CNTLN: variants seen among roughly 807,000 people sequenced by gnomAD.
CNTLN encodes centlein, centrosomal protein.
In CNTLN, 212 loss-of-function variants were observed where a neutral mutation model predicts 180.0. That is an observed-to-expected ratio of 1.18 (90% CI 1.05 to 1.32). CNTLN has a LOEUF of 1.32. Among genes scored for constraint, CNTLN ranks in the 40% most tolerant of loss-of-function variants. The pLI, the probability that CNTLN is intolerant of heterozygous loss-of-function variation, is 0.00. For missense variants in CNTLN, 2,095 were observed against 1,610.9 expected, an observed-to-expected ratio of 1.30 and a Z score of -5.14; for synonymous variants, 722 against 563.1, an observed-to-expected ratio of 1.28 and a Z score of -3.99.
intron 5 of CNTLN, among the ~76,000 whole-genome samples, chr9:17,246,949 C>T (rs936647990): frequency 6.6e-6 from 1 of 151,988 alleles, no homozygotes; most frequent in Non-Finnish European, 1.5e-5. Flanking sequence ...TCCTGGAATG[C>T]GTGCCTCAGG....
chr9:17,447,431 G>A (rs550612661), intron 18 of CNTLN: 1 of 166,158 alleles, frequency 6.0e-6, no homozygotes, highest in Non-Finnish European at 1.3e-5. Flanking sequence ...GGCGTACACA[G>A]TTGCGGTCCG....
rs1280128207 is a variant in CNTLN at position 17,257,979 on chromosome 9, T to G, written c.850-15754T>G. ...TTTGCTGTGCAGAAGCTCTTTAGTT[T>G]AATTAGATCCCATTTGTCAATTTTG... On this transcript the variant is annotated intron_variant, in intron 5 of 25. Transcript: ENST00000380647. Among the ~76,000 whole-genome samples, 33 of 149,710 alleles carry G rather than the reference T, an allele frequency of 2.2e-4. No homozygotes were observed. In the East Asian group the frequency reaches 6.2e-3, roughly 28 times the overall value.
chr9:17,466,778 G>C lies in CNTLN; in HGVS notation c.3742G>C (p.Ala1248Pro). ...ESAMAEIETA[A>P]SKQLQELALQ... ...TGCAATGGCAGAAATTGAAACAGCAGCATCTAAGCAGCTTCAAGAATTAGC... is the reference window on the plus strand; with the variant it reads ...TGCAATGGCAGAAATTGAAACAGCACCATCTAAGCAGCTTCAAGAATTAGC... Residue 1248 changes from alanine (A) to proline (P), a missense_variant, in exon 23 of 26, where the codon GCA becomes CCA. Coordinates refer to ENST00000380647, the MANE Select transcript of CNTLN (RefSeq NM_017738.4). The C allele has an allele frequency of 6.2e-7, 1 of 1,610,848 alleles. No homozygotes were observed.
At chr9:17,225,298 A>G (rs115680656) in intron 2 of CNTLN, among the ~76,000 whole-genome samples, 3 of 151,966 alleles carry the variant, frequency 2.0e-5, no homozygotes, top group African/African-American at 7.2e-5. Flanking sequence ...TGTATTCCCT[A>G]TTAACCCCAG....
intron 7 of CNTLN, chr9:17,299,749 A>G: frequency 1.0e-6 from 1 of 982,818 alleles, no homozygotes; most frequent in Non-Finnish European, 1.2e-6. Flanking sequence ...CTTTATTAAT[A>G]CTTGTTAATT....
intron 5 of CNTLN, among the ~76,000 whole-genome samples, chr9:17,273,466 T>A (rs530177424): frequency 1.2e-4 from 18 of 152,316 alleles, no homozygotes; most frequent in African/African-American, 3.1e-4. Context: ...AATAATTTAA[T>A]AACTACATTT....
intron 15 of CNTLN, among the ~76,000 whole-genome samples, chr9:17,407,941 C>G: frequency 6.6e-6 from 1 of 151,824 alleles, no homozygotes; most frequent in African/African-American, 2.4e-5. Context: ...GCCTGACCAA[C>G]ATGGTGAAAC....
intron 8 of CNTLN, among the ~76,000 whole-genome samples, chr9:17,325,711 T>C (rs1820244755): frequency 6.6e-6 from 1 of 152,004 alleles, no homozygotes; most frequent in African/African-American, 2.4e-5. Flanking sequence ...GTTGACAGGT[T>C]TGGAATTCGT....
intron 2 of CNTLN, among the ~76,000 whole-genome samples, chr9:17,182,254 G>A (rs187023032): frequency 4.9e-4 from 74 of 152,012 alleles, no homozygotes; most frequent in Non-Finnish European, 7.8e-4. Flanking sequence ...TTCCTGGTCC[G>A]TAGGGTAGAG....
intron 15 of CNTLN, among the ~76,000 whole-genome samples, chr9:17,401,366 C>T (rs1826958890): frequency 6.6e-6 from 1 of 151,702 alleles, no homozygotes; most frequent in African/African-American, 2.4e-5. Context: ...AAAGCAAAAT[C>T]CATATAGAGA....
intron 2 of CNTLN, among the ~76,000 whole-genome samples, chr9:17,178,880 G>T (rs936397484): frequency 6.6e-6 from 1 of 152,172 alleles, no homozygotes; most frequent in Non-Finnish European, 1.5e-5. Context: ...CAGAGTGGGC[G>T]CCAAGGCCGA....
chr9:17,517,032 A>ATCTTGAGT, the CNTLN span, among the ~76,000 whole-genome samples: 12,477 of 152,088 alleles, frequency 0.082, 1,457 homozygotes, highest in African/African-American at 0.26. Context: ...ATCAAAAGGT[A>ATCTTGAGT]TCTTGAGTTG....
intron 18 of CNTLN, among the ~76,000 whole-genome samples, chr9:17,417,505 AC>A (rs1205347382): frequency 6.6e-6 from 1 of 152,098 alleles, no homozygotes; most frequent in Non-Finnish European, 1.5e-5. Flanking sequence ...TATACAAAAA[AC>A]ATTTGAACTT....
At chr9:17,355,602 T>G (rs187654830) in intron 12 of CNTLN, among the ~76,000 whole-genome samples, 34 of 152,342 alleles carry the variant, frequency 2.2e-4, no homozygotes, top group Admixed American at 1.5e-3. Context: ...TTTGAGTTAA[T>G]TTTTTATATG....
At chr9:17,329,253 AGC>A (rs1820491244) in intron 8 of CNTLN, among the ~76,000 whole-genome samples, 1 of 152,104 alleles carries the variant, frequency 6.6e-6, no homozygotes, top group South Asian at 2.1e-4. Context: ...AAGAGCAGGT[AGC>A]CTTTGAAATA....
chr9:17,270,947 C>CTTTTTTTTTTTTT (rs78896738), intron 5 of CNTLN, among the ~76,000 whole-genome samples: 2 of 122,154 alleles, frequency 1.6e-5, no homozygotes, highest in Non-Finnish European at 3.3e-5. Context: ...GAGAGGAGTT[C>CTTTTTTTTTTTTT]TTTTTTTTTT....
chr9:17,371,985 A>G (rs1824358648), intron 13 of CNTLN, among the ~76,000 whole-genome samples: 1 of 152,154 alleles, frequency 6.6e-6, no homozygotes, highest in South Asian at 2.1e-4. Context: ...AGGGAAGTTT[A>G]TAGCTATAAA....
chr9:17,303,833 C>T (rs937785325), intron 7 of CNTLN, among the ~76,000 whole-genome samples: 5 of 152,040 alleles, frequency 3.3e-5, no homozygotes, highest in East Asian at 1.9e-4. Flanking sequence ...TTAATATTTT[C>T]GAATAATAAT....
intron 3 of CNTLN, among the ~76,000 whole-genome samples, chr9:17,234,401 C>CCA (rs1825006353): frequency 6.6e-6 from 1 of 151,850 alleles, no homozygotes; most frequent in African/African-American, 2.4e-5. Context: ...CATGATTGTG[C>CCA]CACTGCACTC....
Sources: gnomAD v4.1 joint callset for allele counts (sites outside exome capture counted in the v4.1 genomes callset) on GRCh38, gnomAD v4.1.1 for gene constraint, MANE v1.5 for transcripts, NCBI Gene and HGNC (gene_info 2026-07-23, HGNC 2026-07-21) for gene names.